The following DRICH1 variants were observed in gnomAD, a reference collection of about 807,000 sequenced individuals.
The protein encoded by DRICH1 is aspartate rich 1.
Under a neutral mutation model 39.5 loss-of-function variants are expected in DRICH1, and 38 were observed. The observed-to-expected ratio is 0.96, with a 90% confidence interval of 0.74 to 1.26. DRICH1 has a LOEUF of 1.26. Ranked by LOEUF, DRICH1 falls within the 50% of genes most tolerant of loss-of-function variation. DRICH1 has a pLI of 0.00. For synonymous variants in DRICH1, 84 were observed against 99.5 expected, an observed-to-expected ratio of 0.84 and a Z score of 0.93; for missense variants, 279 against 270.4, an observed-to-expected ratio of 1.03 and a Z score of -0.22.
intron 1 of DRICH1, among the ~76,000 whole-genome samples, chr22:23,631,457 T>C (rs1354565575): frequency 2.0e-5 from 3 of 151,528 alleles, no homozygotes; most frequent in Admixed American, 6.6e-5. Flanking sequence ...AAATAAAATT[T>C]ACAAAAAATA....
Position 23,620,632 on chromosome 22 carries a change from G to A in DRICH1, c.385-17C>T. 6.2e-7 allele frequency: 1 copy of A among 1,613,590 alleles called. No individual in the cohort carries two copies. The highest frequency in any genetic ancestry group is 8.5e-7 in the Non-Finnish European group (1 of 1,179,536). On this transcript the variant is annotated splice_polypyrimidine_tract_variant and intron_variant, in intron 4 of 11. Transcript: ENST00000317749. ...CGGTAAAATCTGCAACGAGACAAAAGAAGATGCTATGAGGATCAGATCAAT... is the reference window on the plus strand; with the variant it reads ...CGGTAAAATCTGCAACGAGACAAAAAAAGATGCTATGAGGATCAGATCAAT...
intron 10 of DRICH1, 115 bp from the exon 11 acceptor site, chr22:23,613,445 A>G: frequency 2.0e-6 from 2 of 978,410 alleles, no homozygotes; most frequent in East Asian, 2.4e-5. Flanking sequence ...ATGCTGCTTC[A>G]TACATGATCC....
intron 1 of DRICH1, 89 bp from the exon 2 acceptor site, chr22:23,626,137 G>T: frequency 6.9e-6 from 6 of 870,980 alleles, no homozygotes; most frequent in Non-Finnish European, 1.2e-5. Flanking sequence ...CACATGGAGC[G>T]TGGGACTGAA....
At chr22:23,603,165 C>G in the DRICH1 span, among the ~76,000 whole-genome samples, 12 of 151,992 alleles carry the variant, frequency 7.9e-5, no homozygotes, top group African/African-American at 2.9e-4. Context: ...GTTTTATCCC[C>G]CCAAAACAAA....
At chr22:23,620,427 T>TG (rs1330389830) in intron 5 of DRICH1, among the ~76,000 whole-genome samples, 167 bp downstream of exon 5, 6 of 152,166 alleles carry the variant, frequency 3.9e-5, no homozygotes, top group African/African-American at 1.2e-4. Context: ...CTTGGTCCTC[T>TG]GGTTCACACA....
At chr22:23,587,427 G>A in the DRICH1 span, among the ~76,000 whole-genome samples, 12 of 152,192 alleles carry the variant, frequency 7.9e-5, no homozygotes, top group Non-Finnish European at 1.3e-4. Flanking sequence ...CTCATGGGAA[G>A]CCTTATCAGA....
Position 23,617,677 on chromosome 22 carries a change from A to C in DRICH1, c.437-20T>G, listed in dbSNP as rs768434475. The C allele has an allele frequency of 3.7e-6, 6 of 1,612,224 alleles. No homozygotes were observed. The highest frequency in any genetic ancestry group is 1.3e-5 in the African/African-American group (1 of 74,454). On this transcript the variant is annotated intron_variant, in intron 6 of 11. Coordinates refer to ENST00000317749, the MANE Select transcript of DRICH1 (RefSeq NM_016449.4). ...AAGAACCTGGAAGCACACAGAGGAA[A>C]GATCCGTGCCCTGGTTGTTTGTGAC...
intron 5 of DRICH1, among the ~76,000 whole-genome samples, chr22:23,619,782 C>T (rs904550747): frequency 5.9e-5 from 9 of 152,194 alleles, no homozygotes; most frequent in African/African-American, 2.2e-4. Context: ...GCAGTGAGCC[C>T]AGAGTGAATT....
chr22:23,605,381 G>T (rs73157051), downstream of DRICH1, among the ~76,000 whole-genome samples: 9,057 of 152,220 alleles, frequency 0.059, 534 homozygotes, highest in African/African-American at 0.14. Context: ...GTCCTAGGAG[G>T]TGACTCTGGC....
chr22:23,613,157 C>A, intron 11 of DRICH1, 132 bp downstream of exon 11: 2 of 727,164 alleles, frequency 2.8e-6, no homozygotes, highest in South Asian at 3.1e-5. Flanking sequence ...CAAGCCAGAC[C>A]TCACACATAT....
chr22:23,584,472 G>T, the DRICH1 span, among the ~76,000 whole-genome samples: 3 of 152,138 alleles, frequency 2.0e-5, no homozygotes, highest in Admixed American at 2.0e-4. Flanking sequence ...TGTCTCCAGA[G>T]GAAATACAGG....
At chr22:23,591,311 C>G in the DRICH1 span, among the ~76,000 whole-genome samples, 1 of 152,092 alleles carries the variant, frequency 6.6e-6, no homozygotes, top group Non-Finnish European at 1.5e-5. Context: ...CCTCCCGCTG[C>G]AGGTCACACA....
chr22:23,629,503 C>T (rs1468827660), intron 1 of DRICH1, among the ~76,000 whole-genome samples: 1 of 152,230 alleles, frequency 6.6e-6, no homozygotes, highest in African/African-American at 2.4e-5. Context: ...CCTACTGGTG[C>T]AAGAGGTCTC....
rs770860236 is a variant in DRICH1 at position 23,625,999 on chromosome 22, T to C, written c.258A>G (p.Glu86=). The C allele has an allele frequency of 1.2e-6, 2 of 1,612,642 alleles. No individual in the cohort carries two copies. Among genetic ancestry groups the C allele is most frequent in the South Asian group, 2.2e-5 (2 of 90,322 alleles). ...LSLKFLPSSE[E]DNDDAKILPS... ...GTCTTACCTTGGCATCATCATTGTC[T>C]TCCTCACTTGATGGCAGAAATTTTA... Residue 86 remains glutamate, a synonymous_variant, in exon 2 of 12, where the codon GAA becomes GAG. Coordinates refer to ENST00000317749, the MANE Select transcript of DRICH1 (RefSeq NM_016449.4).
upstream of DRICH1, chr22:23,632,449 T>C (rs958052434): frequency 2.1e-5 from 5 of 238,564 alleles, no homozygotes; most frequent in South Asian, 5.9e-5. Context: ...CAATGCCTCA[T>C]AATGCCTGTC....
chr22:23,604,068 TCAC>T (rs1251696650), downstream of DRICH1, among the ~76,000 whole-genome samples: 1 of 152,086 alleles, frequency 6.6e-6, no homozygotes, highest in Non-Finnish European at 1.5e-5. Context: ...ACTGCCTGGG[TCAC>T]CACAACACCC....
intron 10 of DRICH1, 79 bp downstream of exon 10, chr22:23,613,560 G>C: frequency 8.7e-7 from 1 of 1,149,140 alleles, no homozygotes; most frequent in South Asian, 1.2e-5. Flanking sequence ...TTTCCCAGCA[G>C]GACCCCAGAA....
At chr22:23,628,689 C>T (rs535685035) in intron 1 of DRICH1, among the ~76,000 whole-genome samples, 2 of 152,310 alleles carry the variant, frequency 1.3e-5, no homozygotes, top group South Asian at 4.1e-4. Flanking sequence ...TCATCTGTCC[C>T]AGCCCCAGGA....
the DRICH1 span, among the ~76,000 whole-genome samples, chr22:23,596,315 C>T: frequency 6.6e-6 from 1 of 152,160 alleles, no homozygotes; most frequent in Non-Finnish European, 1.5e-5. Flanking sequence ...GGCTGGAGTG[C>T]AGTGACACGA....
Sources: gnomAD v4.1 joint callset for allele counts (sites outside exome capture counted in the v4.1 genomes callset) on GRCh38, gnomAD v4.1.1 for gene constraint, MANE v1.5 for transcripts, NCBI Gene and HGNC (gene_info 2026-07-23, HGNC 2026-07-21) for gene names.